PRPF19: variants seen among roughly 807,000 people sequenced by gnomAD.
The protein encoded by PRPF19 is pre-mRNA processing factor 19.
A neutral mutation model predicts 64.2 loss-of-function variants in PRPF19; 2 were observed. The observed-to-expected ratio is 0.03, with a 90% CI of 0.01 to 0.10. The LOEUF (loss-of-function observed/expected upper bound fraction) is 0.10, where lower values mean the gene tolerates loss of function less well. PRPF19 is among the 10% of genes least tolerant of loss of function. PRPF19 has a pLI of 1.00. For missense variants in PRPF19, 314 were observed against 650.0 expected, an observed-to-expected ratio of 0.48 and a Z score of 5.62; for synonymous variants, 226 against 251.6, an observed-to-expected ratio of 0.90 and a Z score of 0.96.
intron 15 of PRPF19, 79 bp downstream of exon 15, chr11:60,897,767 A>G: frequency 8.1e-7 from 1 of 1,228,734 alleles, no homozygotes; most frequent in Non-Finnish European, 1.2e-6. Context: ...TGCAAGCCCT[A>G]GAAATTCCTA....
At chr11:60,895,216 G>A (rs752439472) in intron 15 of PRPF19, among the ~76,000 whole-genome samples, 5 of 152,210 alleles carry the variant, frequency 3.3e-5, no homozygotes, top group Non-Finnish European at 7.3e-5. Context: ...AGGCTATTCC[G>A]TCTACATTGA....
chr11:60,900,793 C>T, intron 9 of PRPF19, 61 bp downstream of exon 9: 2 of 1,601,642 alleles, frequency 1.2e-6, no homozygotes, highest in Non-Finnish European at 1.7e-6. Context: ...GGACAAGGAG[C>T]ATGCGCCTTC....
At chr11:60,900,741 CT>C (rs1253407441) in intron 9 of PRPF19, 50 bp from the exon 10 acceptor site, 1 of 1,567,650 alleles carries the variant, frequency 6.4e-7, no homozygotes, top group Admixed American at 1.8e-5. Flanking sequence ...CACCCAGGCC[CT>C]TTTGCTCAAG....
intron 1 of PRPF19, 124 bp downstream of exon 1, chr11:60,906,240 G>C: frequency 7.2e-7 from 1 of 1,391,600 alleles, no homozygotes; most frequent in Non-Finnish European, 9.3e-7. Flanking sequence ...ACAGGCCGCC[G>C]CTCGGCCTCC....
intron 8 of PRPF19, 122 bp from the exon 9 acceptor site, chr11:60,901,051 T>G: frequency 1.7e-6 from 2 of 1,164,972 alleles, no homozygotes; most frequent in Non-Finnish European, 2.5e-6. Flanking sequence ...GTTACTTCTA[T>G]TCCTTATCCA....
chr11:60,899,355 C>G, intron 10 of PRPF19, 51 bp from the exon 11 acceptor site: 4 of 1,544,684 alleles, frequency 2.6e-6, no homozygotes, highest in Non-Finnish European at 3.6e-6. Flanking sequence ...AGATACAGAC[C>G]AAAACAATCT....
At chr11:60,900,133 T>C (rs1008109003) in intron 10 of PRPF19, among the ~76,000 whole-genome samples, 2 of 152,164 alleles carry the variant, frequency 1.3e-5, no homozygotes, top group Non-Finnish European at 2.9e-5. Flanking sequence ...ATGAGTTACC[T>C]TTACCCTGTA....
intron 15 of PRPF19, among the ~76,000 whole-genome samples, chr11:60,896,891 T>A (rs182524626): frequency 6.6e-6 from 1 of 152,240 alleles, no homozygotes; most frequent in Non-Finnish European, 1.5e-5. Context: ...AATATTTTTG[T>A]ACAGCTGTAC....
rs369053079 is a variant in PRPF19, at chr11:60,901,549, G to C, written c.526-9C>G. 3.1e-4 allele frequency: 495 copies of C among 1,614,014 alleles called. No homozygotes were observed. Among genetic ancestry groups the C allele is most frequent in the Middle Eastern group, 4.9e-4 (3 of 6,084 alleles). ...GTGGCTTTGTCTTGAAGCTGGGGAA[G>C]AACAGGCTCAATGTGAGACAAATCA... On this transcript the variant is annotated splice_polypyrimidine_tract_variant and intron_variant, in intron 6 of 15. Transcript: ENST00000227524.
Position 60,902,489 on chromosome 11 carries a change from G to A in PRPF19, c.463-24C>T. On this transcript the variant is annotated intron_variant, in intron 5 of 15. Transcript: ENST00000227524. This position sits in a 1 kb window ranked among gnomAD's most constrained non-coding sequence, Gnocchi z 5.0. ...CCCTGAAGAGAAGAAAGGTGAGGGT[G>A]AGAGGCACAGAGCACCAAAGACACC... 2 of 1,612,980 alleles carry A rather than the reference G, an allele frequency of 1.2e-6. No homozygotes were observed. Among genetic ancestry groups the A allele is most frequent in the African/African-American group, 1.3e-5 (1 of 75,014 alleles).
Position 60,898,111 on chromosome 11 carries a change from T to A in PRPF19, c.1301A>T (p.Asn434Ile). 8.7e-6 allele frequency: 14 copies of A among 1,614,036 alleles called. No homozygotes were observed. The highest frequency in any genetic ancestry group is 1.1e-5 in the Non-Finnish European group (13 of 1,179,962). Residue 434 changes from asparagine (N) to isoleucine (I), a missense_variant, in exon 14 of 16, where the codon AAC becomes ATC. By Grantham distance (149) the Asn-to-Ile change is moderately radical (BLOSUM62 -3). Coordinates refer to ENST00000227524, the MANE Select transcript of PRPF19 (RefSeq NM_014502.5). This position sits in a 1 kb window ranked among gnomAD's most constrained non-coding sequence, Gnocchi z 4.6. ...GGGGGAAGGGCACACCTCAAAGTTG[T>A]TATCCAGCTGCAAAGTCTTAAAGTT... ...LKNFKTLQLD[N>I]NFEVKSLIFD...
rs1856051868 is a variant in PRPF19 at position 60,906,560 on chromosome 11, A to G, written c.-178T>C. The G allele has an allele frequency of 7.9e-6, 5 of 635,912 alleles. No homozygotes were observed. Among genetic ancestry groups the G allele is most frequent in the Non-Finnish European group, 1.3e-5 (5 of 379,758 alleles). 39.4% of individuals were successfully genotyped at this position (635,912 alleles called of 1,614,324 possible). On this transcript the variant is annotated 5_prime_UTR_variant, in exon 1 of 16. Transcript: ENST00000227524. ...GTGGGAATGGGGACAGCCGCGCGCC[A>G]CAGCCTTCAGCACCTAACGGAAATT...
rs1706582560 is a variant in PRPF19 at position 60,899,320 on chromosome 11, A to G, written c.829-16T>C. On this transcript the variant is annotated splice_polypyrimidine_tract_variant and intron_variant, in intron 10 of 15. Transcript: ENST00000227524. ...ACACCAGGTCCTACAAGGAAAACAA[A>G]GACAGAATATCAGAGTCAGAAAAGA... 4 of 1,604,036 alleles carry G rather than the reference A, an allele frequency of 2.5e-6. No homozygotes were observed. The highest frequency in any genetic ancestry group is 3.4e-6 in the Non-Finnish European group (4 of 1,171,008).
At chr11:60,905,171 C>T (rs1412356835) in intron 1 of PRPF19, among the ~76,000 whole-genome samples, 2 of 152,250 alleles carry the variant, frequency 1.3e-5, no homozygotes, top group African/African-American at 4.8e-5. Flanking sequence ...CATTTACACT[C>T]TTGCCTGCGT....
chr11:60,900,781 G>A, intron 9 of PRPF19, 73 bp downstream of exon 9: 2 of 1,594,728 alleles, frequency 1.3e-6, no homozygotes, highest in Non-Finnish European at 1.7e-6. Context: ...TGCCCATGAA[G>A]AGGACAAGGA....
Position 60,901,480 on chromosome 11 carries a change from C to G in PRPF19, c.567+19G>C. On this transcript the variant is annotated intron_variant, in intron 7 of 15. Coordinates refer to ENST00000227524, the MANE Select transcript of PRPF19 (RefSeq NM_014502.5). Reference sequence around the variant, plus strand: ...CCACCAGGCCAGCTCTTTCTCCAGGCTTCAGAAAGAGAACTCACCTTCTTG... The same window carrying G: ...CCACCAGGCCAGCTCTTTCTCCAGGGTTCAGAAAGAGAACTCACCTTCTTG... The G allele has an allele frequency of 6.2e-7, 1 of 1,614,190 alleles. No individual in the cohort carries two copies. Among genetic ancestry groups the G allele is most frequent in the East Asian group, 2.2e-5 (1 of 44,894 alleles).
chr11:60,900,712 CCAAA>C (rs751805488), intron 9 of PRPF19, 21 bp from the exon 10 acceptor site: 38 of 1,560,366 alleles, frequency 2.4e-5, no homozygotes, highest in Non-Finnish European at 3.5e-6. Context: ...CCCAAAAAGA[CCAAA>C]CAATGAGTCA....
At chr11:60,903,566 A>G in intron 2 of PRPF19, 31 bp from the exon 3 acceptor site, 11 of 1,611,746 alleles carry the variant, frequency 6.8e-6, no homozygotes, top group African/African-American at 1.3e-5. Flanking sequence ...TATGAAGAAC[A>G]TAACCCAGGG....
rs372516464 is a variant in PRPF19, at chr11:60,900,565, C to T, written c.828+17G>A. On this transcript the variant is annotated intron_variant, in intron 10 of 15. Coordinates refer to ENST00000227524, the MANE Select transcript of PRPF19 (RefSeq NM_014502.5). ...CCAAGGAAAGAAGAACCAAGGGTGGCGAGGAGAACCCCTTACCTGGGAAGG... is the reference window on the plus strand; with the variant it reads ...CCAAGGAAAGAAGAACCAAGGGTGGTGAGGAGAACCCCTTACCTGGGAAGG... 128 of 1,521,816 alleles carry T rather than the reference C, an allele frequency of 8.4e-5. No homozygotes were observed. Among genetic ancestry groups the T allele is most frequent in the Non-Finnish European group, 1.0e-4 (115 of 1,120,970 alleles). 94.3% of individuals were successfully genotyped at this position (1,521,816 alleles called of 1,614,324 possible). A position where few individuals can be genotyped will look rare whatever the true frequency, so the allele number is the denominator to read the frequency against.
Sources: allele counts gnomAD v4.1 joint callset (sites outside exome capture counted in the v4.1 genomes callset), GRCh38; gene constraint gnomAD v4.1.1; non-coding constraint Gnocchi (gnomAD v3.1); transcripts MANE v1.5; gene names NCBI Gene and HGNC (gene_info 2026-07-23, HGNC 2026-07-21).